Variants in LPAR3 observed in about 807,000 individuals in gnomAD.
LPAR3 encodes the protein lysophosphatidic acid receptor 3.
In LPAR3, 7 loss-of-function variants were observed where a neutral mutation model predicts 17.8. The observed-to-expected ratio is 0.39, with a 90% CI of 0.22 to 0.74. LPAR3 has a LOEUF of 0.74. LPAR3 is among the 30% of genes least tolerant of loss of function. The pLI, the probability that LPAR3 is intolerant of heterozygous loss-of-function variation, is 0.40. For synonymous variants in LPAR3, 179 were observed against 179.9 expected, an observed-to-expected ratio of 0.99 and a Z score of 0.04; for missense variants, 391 against 453.4, an observed-to-expected ratio of 0.86 and a Z score of 1.25.
intron 2 of LPAR3, among the ~76,000 whole-genome samples, chr1:84,849,186 C>T (rs558408237): frequency 1.1e-3 from 165 of 151,950 alleles, no homozygotes; most frequent in Middle Eastern, 3.4e-3. Context: ...ACCATCCTGG[C>T]CAACATGGTA....
intron 2 of LPAR3, among the ~76,000 whole-genome samples, chr1:84,836,803 T>A (rs1036692010): frequency 1.3e-5 from 2 of 152,194 alleles, no homozygotes; most frequent in African/African-American, 4.8e-5. Context: ...GCAAATAATA[T>A]AATGAAAGCT....
intron 1 of LPAR3, among the ~76,000 whole-genome samples, chr1:84,885,177 C>T (rs928529360): frequency 2.6e-5 from 4 of 152,154 alleles, no homozygotes; most frequent in Non-Finnish European, 4.4e-5. Flanking sequence ...CTGCTGCACA[C>T]GCTACAATGC....
chr1:84,838,861 T>C (rs1025713147), intron 2 of LPAR3, among the ~76,000 whole-genome samples: 1 of 152,204 alleles, frequency 6.6e-6, no homozygotes, highest in African/African-American at 2.4e-5. Flanking sequence ...TAACCCCTTG[T>C]TCCTGTCTTG....
intron 2 of LPAR3, among the ~76,000 whole-genome samples, chr1:84,832,538 G>A (rs1659305261): frequency 6.6e-6 from 1 of 151,990 alleles, no homozygotes; most frequent in African/African-American, 2.4e-5. Flanking sequence ...TAGGGTGTAG[G>A]GGCAGGGTCA....
chr1:84,833,516 C>T (rs1318065092), intron 2 of LPAR3, among the ~76,000 whole-genome samples: 1 of 152,152 alleles, frequency 6.6e-6, no homozygotes, highest in African/African-American at 2.4e-5. Flanking sequence ...CATTAGCTTG[C>T]TTTATTACTC....
intron 2 of LPAR3, among the ~76,000 whole-genome samples, chr1:84,841,919 G>T (rs1659510816): frequency 6.6e-6 from 1 of 152,008 alleles, no homozygotes; most frequent in African/African-American, 2.4e-5. Flanking sequence ...GCAAAAGAAA[G>T]AAAGAGAGAC....
intron 2 of LPAR3, among the ~76,000 whole-genome samples, chr1:84,825,731 T>C (rs1325942631): frequency 2.0e-5 from 3 of 152,202 alleles, no homozygotes; most frequent in Non-Finnish European, 4.4e-5. Context: ...CCAGGTTTGA[T>C]GATGACGCTG....
intron 1 of LPAR3, among the ~76,000 whole-genome samples, chr1:84,873,513 C>A (rs1028838424): frequency 6.6e-6 from 1 of 152,086 alleles, no homozygotes; most frequent in African/African-American, 2.4e-5. Context: ...AGAGGAGTGG[C>A]AATTTGTTCA....
intron 1 of LPAR3, among the ~76,000 whole-genome samples, chr1:84,889,649 G>C (rs74096182): frequency 5.9e-5 from 9 of 152,048 alleles, no homozygotes; most frequent in Non-Finnish European, 2.9e-5. Context: ...TTTCCTCCTC[G>C]AAGTCCAGTA....
At chr1:84,878,018 T>C (rs35191051) in intron 1 of LPAR3, among the ~76,000 whole-genome samples, 1,697 of 111,932 alleles carry the variant, frequency 0.015, 24 homozygotes, top group African/African-American at 0.058. Context: ...TAGGGTATTC[T>C]TGAAAAAAAA....
At chr1:84,833,498 G>A (rs1659332911) in intron 2 of LPAR3, among the ~76,000 whole-genome samples, 3 of 152,140 alleles carry the variant, frequency 2.0e-5, no homozygotes, top group African/African-American at 7.2e-5. Context: ...TTGGGTCACC[G>A]TCATGATCAT....
intron 2 of LPAR3, among the ~76,000 whole-genome samples, chr1:84,817,415 T>C (rs984361948): frequency 6.6e-6 from 1 of 152,132 alleles, no homozygotes; most frequent in Non-Finnish European, 1.5e-5. Flanking sequence ...GACTTATGTT[T>C]AACTGCTAAC....
intron 1 of LPAR3, among the ~76,000 whole-genome samples, chr1:84,875,597 C>G (rs924518400): frequency 6.6e-6 from 1 of 152,224 alleles, no homozygotes; most frequent in Non-Finnish European, 1.5e-5. Context: ...CTTGGACTTC[C>G]CTGTCTCCAG....
chr1:84,847,566 A>G (rs1570879638), intron 2 of LPAR3, among the ~76,000 whole-genome samples: 1 of 152,192 alleles, frequency 6.6e-6, no homozygotes, highest in African/African-American at 2.4e-5. Context: ...TCCAGCTCCT[A>G]TCAGGGAATC....
chr1:84,818,876 T>C (rs1437411962), intron 2 of LPAR3, among the ~76,000 whole-genome samples: 1 of 152,230 alleles, frequency 6.6e-6, no homozygotes, highest in East Asian at 1.9e-4. Context: ...TATCAATATA[T>C]TGGAATTCAC....
chr1:84,841,641 G>A (rs1440650667), intron 2 of LPAR3, among the ~76,000 whole-genome samples: 4 of 152,084 alleles, frequency 2.6e-5, no homozygotes, highest in Non-Finnish European at 4.4e-5. Context: ...CTCTTCTATG[G>A]TAACTGCTTC....
chr1:84,849,001 A>G (rs761964466), intron 2 of LPAR3, among the ~76,000 whole-genome samples: 1 of 152,198 alleles, frequency 6.6e-6, no homozygotes, highest in Non-Finnish European at 1.5e-5. Context: ...CCTAACTGTA[A>G]GATGCCCTAG....
intron 1 of LPAR3, among the ~76,000 whole-genome samples, chr1:84,871,458 G>T (rs942364289): frequency 6.6e-6 from 1 of 152,116 alleles, no homozygotes; most frequent in African/African-American, 2.4e-5. Context: ...TGGCTTTTTA[G>T]CTGGCTTTCA....
chr1:84,879,316 C>CTTTTTTCCTT (rs1553149965), intron 1 of LPAR3, among the ~76,000 whole-genome samples: 1 of 120,602 alleles, frequency 8.3e-6, no homozygotes, highest in Admixed American at 8.8e-5. Flanking sequence ...TTTCTTTTTT[C>CTTTTTTCCTT]TTTTTTTTTT....
Sources: allele counts gnomAD v4.1 joint callset (sites outside exome capture counted in the v4.1 genomes callset), GRCh38; gene constraint gnomAD v4.1.1; transcripts MANE v1.5; gene names NCBI Gene and HGNC (gene_info 2026-07-23, HGNC 2026-07-21).